Variants in LTBP1 observed in about 807,000 individuals in gnomAD.
LTBP1 encodes latent transforming growth factor beta binding protein 1.
Under a neutral mutation model 207.6 loss-of-function variants are expected in LTBP1, and 129 were observed. The observed-to-expected ratio is 0.62, with a 90% CI of 0.54 to 0.72. The LOEUF is 0.72. LTBP1 is among the 30% of genes least tolerant of loss of function. LTBP1 has a pLI of 0.00. For missense variants in LTBP1, 2,281 were observed against 2,217.2 expected (o/e 1.03, Z -0.58); for synonymous variants, 963 against 833.7 (o/e 1.16, Z -2.67).
At chr2:33,237,104 A>G (rs933642473) in intron 9 of LTBP1, among the ~76,000 whole-genome samples, 5 of 152,170 alleles carry the variant, frequency 3.3e-5, no homozygotes, top group East Asian at 1.9e-4. Context: ...GACTCATACA[A>G]TAGTCTTTGA....
chr2:33,192,978 C>T (rs1348433672), intron 7 of LTBP1, among the ~76,000 whole-genome samples: 2 of 152,044 alleles, frequency 1.3e-5, no homozygotes, highest in Non-Finnish European at 2.9e-5. Flanking sequence ...TATTAGGTCC[C>T]ATACTCCTAA....
At chr2:33,195,869 C>T (rs139237359) in intron 7 of LTBP1, among the ~76,000 whole-genome samples, 36 of 152,256 alleles carry the variant, frequency 2.4e-4, no homozygotes, top group Middle Eastern at 3.4e-3. Context: ...ATTGCCACAG[C>T]CACCCCAACC....
At chr2:33,174,049 A>G (rs988730876) in intron 5 of LTBP1, among the ~76,000 whole-genome samples, 2 of 141,820 alleles carry the variant, frequency 1.4e-5, no homozygotes, top group Admixed American at 1.5e-4. Flanking sequence ...AGCCAATATC[A>G]TACTGAATGG....
intron 10 of LTBP1, among the ~76,000 whole-genome samples, chr2:33,249,082 A>G (rs2092598566): frequency 6.6e-6 from 1 of 152,166 alleles, no homozygotes; most frequent in African/African-American, 2.4e-5. Context: ...GATTAAGGAT[A>G]TTACAGATGT....
In LTBP1 at chr2:33,318,761, T is replaced by A. The variant is rs117098123; in HGVS notation, c.3730+3492T>A. The stretch of plus-strand genomic sequence containing the variant: ...GTGTATTAAAACAAAGGAAACTTTT[T>A]CTTTCACTCAACTCGTTGTTTTATG... On this transcript the variant is annotated intron_variant, in intron 24 of 33. Coordinates refer to ENST00000404816, the MANE Select transcript of LTBP1 (RefSeq NM_206943.4). 5.6e-4 allele frequency among the ~76,000 whole-genome samples: 86 copies of A among 152,322 alleles called. 2 individuals carry two copies. The East Asian group carries it at 0.013, about 23-fold the overall frequency.
At chr2:33,193,714 T>G (rs1444852364) in intron 7 of LTBP1, among the ~76,000 whole-genome samples, 1 of 152,212 alleles carries the variant, frequency 6.6e-6, no homozygotes, top group African/African-American at 2.4e-5. Flanking sequence ...GTATCTGTTA[T>G]GGTGATGTGT....
intron 9 of LTBP1, among the ~76,000 whole-genome samples, chr2:33,227,061 G>A (rs1573298449): frequency 6.6e-6 from 1 of 151,316 alleles, no homozygotes; most frequent in African/African-American, 2.4e-5. Flanking sequence ...TTTTGAGACG[G>A]AGTCTTGTTT....
At chr2:32,974,412 T>C (rs996080361) in intron 2 of LTBP1, among the ~76,000 whole-genome samples, 1 of 152,226 alleles carries the variant, frequency 6.6e-6, no homozygotes, top group Non-Finnish European at 1.5e-5. Flanking sequence ...TCAAGTCTTT[T>C]GCCCATTTTC....
chr2:33,087,084 C>CTTTTTTGTTTTTTTTTTTTTT (rs2078804479), intron 3 of LTBP1, among the ~76,000 whole-genome samples: 2 of 89,026 alleles, frequency 2.2e-5, no homozygotes, highest in Admixed American at 1.3e-4. Context: ...CTCCTTTATG[C>CTTTTTTGTTTTTTTTTTTTTT]TTTTTTTTTT....
intron 5 of LTBP1, among the ~76,000 whole-genome samples, chr2:33,174,205 G>A (rs1234230229): frequency 5.2e-4 from 71 of 137,758 alleles, no homozygotes; most frequent in Admixed American, 6.7e-4. Flanking sequence ...AGGAAAAGAG[G>A]AAGTCAAATT....
intron 3 of LTBP1, among the ~76,000 whole-genome samples, chr2:33,058,863 A>C (rs2077133783): frequency 6.6e-6 from 1 of 152,240 alleles, no homozygotes; most frequent in South Asian, 2.1e-4. Context: ...AAGCTACAGA[A>C]GTGCTGAATA....
chr2:33,253,636 A>G (rs1169814963), intron 11 of LTBP1, among the ~76,000 whole-genome samples: 1 of 152,156 alleles, frequency 6.6e-6, no homozygotes, highest in Non-Finnish European at 1.5e-5. Context: ...GATGCTTTCT[A>G]CCTAGGAAAG....
At chr2:33,233,580 G>A (rs1202866288) in intron 9 of LTBP1, among the ~76,000 whole-genome samples, 3 of 152,050 alleles carry the variant, frequency 2.0e-5, no homozygotes, top group African/African-American at 7.2e-5. Context: ...AGCTCACTTT[G>A]AATCAGAAGT....
At chr2:33,187,613 A>C (rs1341123013) in intron 6 of LTBP1, among the ~76,000 whole-genome samples, 1 of 152,242 alleles carries the variant, frequency 6.6e-6, no homozygotes, top group African/African-American at 2.4e-5. Flanking sequence ...TGGCATTTTT[A>C]TAAATGCACA....
At chr2:33,012,705 A>G (rs930164754) in intron 2 of LTBP1, among the ~76,000 whole-genome samples, 4 of 152,342 alleles carry the variant, frequency 2.6e-5, no homozygotes, top group African/African-American at 7.2e-5. Context: ...TAAAGATAAC[A>G]TGGATGGGAT....
intron 23 of LTBP1, among the ~76,000 whole-genome samples, chr2:33,313,777 AC>A (rs1330992195): frequency 6.6e-6 from 1 of 152,170 alleles, no homozygotes; most frequent in Non-Finnish European, 1.5e-5. Flanking sequence ...CATTCATAAG[AC>A]CCTGCAATGT....
intron 31 of LTBP1, among the ~76,000 whole-genome samples, chr2:33,380,190 A>G (rs1198009667): frequency 6.6e-6 from 1 of 152,194 alleles, no homozygotes; most frequent in Non-Finnish European, 1.5e-5. Flanking sequence ...CCTGCAGGTA[A>G]CAGCGTCATC....
At chr2:33,129,375 G>C (rs1032213962) in intron 4 of LTBP1, among the ~76,000 whole-genome samples, 1 of 152,166 alleles carries the variant, frequency 6.6e-6, no homozygotes, top group Admixed American at 6.5e-5. Flanking sequence ...AGTAACCAGA[G>C]GCAGCAACAG....
intron 3 of LTBP1, among the ~76,000 whole-genome samples, chr2:33,044,429 G>A (rs928040629): frequency 6.6e-6 from 1 of 152,136 alleles, no homozygotes; most frequent in African/African-American, 2.4e-5. Context: ...CCATGTCCCT[G>A]CAAAGGACAT....
Sources: gnomAD v4.1 joint callset for allele counts (sites outside exome capture counted in the v4.1 genomes callset) on GRCh38, gnomAD v4.1.1 for gene constraint, MANE v1.5 for transcripts, NCBI Gene and HGNC (gene_info 2026-07-23, HGNC 2026-07-21) for gene names.